COL19A1: variants seen among roughly 807,000 people sequenced by gnomAD.
COL19A1 encodes collagen type XIX alpha 1 chain.
COL19A1 carries 159 observed loss-of-function variants against 190.2 expected under a neutral mutation model. That is an observed-to-expected ratio of 0.84 (90% CI 0.73 to 0.95). COL19A1 has a LOEUF of 0.95. Ranked by LOEUF, COL19A1 falls within the 40% of genes least tolerant of loss-of-function variation. The pLI is 0.00. For synonymous variants in COL19A1, 509 were observed against 458.9 expected, an observed-to-expected ratio of 1.11 and a Z score of -1.39; for missense variants, 1,418 against 1,431.9, an observed-to-expected ratio of 0.99 and a Z score of 0.16.
intron 9 of COL19A1, among the ~76,000 whole-genome samples, chr6:69,949,053 G>A (rs1006474885): frequency 2.0e-5 from 3 of 151,748 alleles, no homozygotes; most frequent in African/African-American, 7.3e-5. Context: ...AAATTGTCCT[G>A]GCAAATACTC....
chr6:70,001,561 G>A (rs1777266064), intron 11 of COL19A1, among the ~76,000 whole-genome samples: 1 of 152,104 alleles, frequency 6.6e-6, no homozygotes, highest in Admixed American at 6.6e-5. Flanking sequence ...GTGGTTTGTA[G>A]TTCTCCTTGA....
In COL19A1 at chr6:70,130,235, T is replaced by A; in HGVS notation, c.1383+12T>A. 4.3e-6 allele frequency: 7 copies of A among 1,609,420 alleles called. No homozygotes were observed. The highest frequency in any genetic ancestry group is 5.9e-6 in the Non-Finnish European group (7 of 1,177,106). ...TGAAAGGAGACAAGGTAATCAGATT[T>A]TTTTTTTTTAGATGGAGTCTTGCTC... On this transcript the variant is annotated intron_variant, in intron 18 of 50. Transcript: ENST00000620364.
At chr6:70,043,536 C>G (rs1485617225) in intron 14 of COL19A1, among the ~76,000 whole-genome samples, 1 of 152,184 alleles carries the variant, frequency 6.6e-6, no homozygotes, top group Admixed American at 6.5e-5. Flanking sequence ...GTCAAAATTA[C>G]TCCTTCACCC....
intron 18 of COL19A1, among the ~76,000 whole-genome samples, chr6:70,136,446 A>G (rs931322982): frequency 2.0e-5 from 3 of 152,168 alleles, no homozygotes; most frequent in Non-Finnish European, 4.4e-5. Flanking sequence ...AATGCTACTC[A>G]TCTGTTATAA....
chr6:70,069,794 T>C (rs2150152070), intron 15 of COL19A1, among the ~76,000 whole-genome samples: 2 of 152,298 alleles, frequency 1.3e-5, no homozygotes, highest in South Asian at 4.1e-4. Flanking sequence ...TAGGAACTGA[T>C]CCTTGTTGTT....
chr6:70,115,822 TTTG>T lies in COL19A1; in HGVS notation c.1279-6055_1279-6053del, dbSNP rs755299191. On this transcript the variant is annotated intron_variant, in intron 16 of 50. Coordinates refer to ENST00000620364, the MANE Select transcript of COL19A1 (RefSeq NM_001858.6). ...TTTTTTTTGTTTTGTTTTTTGGTGT[TTTG>T]TTTTTTTTTTTTTTTTTGGTGGGGA... Among the ~76,000 whole-genome samples the T allele has an allele frequency of 2.0e-4, 20 of 98,924 alleles. No individual in the cohort carries two copies. In the East Asian group the frequency reaches 4.1e-3, roughly 20 times the overall value. 64.9% of individuals were successfully genotyped at this position (98,924 alleles called of 152,430 possible). A position where few individuals can be genotyped will look rare whatever the true frequency, so the allele number is the denominator to read the frequency against.
chr6:69,990,653 C>T (rs552201271), intron 11 of COL19A1, among the ~76,000 whole-genome samples: 2 of 151,984 alleles, frequency 1.3e-5, no homozygotes, highest in South Asian at 4.2e-4. Flanking sequence ...TAATATGTTC[C>T]TCTCTCCTCT....
intron 1 of COL19A1, among the ~76,000 whole-genome samples, chr6:69,866,855 C>T (rs533570557): frequency 6.6e-6 from 1 of 152,248 alleles, no homozygotes; most frequent in Admixed American, 6.5e-5. Flanking sequence ...AAACGTTTGG[C>T]AGGAGACGGC....
chr6:70,123,199 A>G (rs1177323670), intron 17 of COL19A1, among the ~76,000 whole-genome samples: 2 of 152,194 alleles, frequency 1.3e-5, no homozygotes, highest in Admixed American at 1.3e-4. Context: ...CAAAAAACAT[A>G]TGAAAAAATG....
At chr6:69,930,679 G>A (rs946551168) in intron 6 of COL19A1, among the ~76,000 whole-genome samples, 4 of 152,188 alleles carry the variant, frequency 2.6e-5, no homozygotes, top group South Asian at 2.1e-4. Flanking sequence ...TTAGCCAGAT[G>A]TGGTGGCACA....
At chr6:69,982,569 T>C (rs1776095343) in intron 11 of COL19A1, among the ~76,000 whole-genome samples, 1 of 151,598 alleles carries the variant, frequency 6.6e-6, no homozygotes, top group South Asian at 2.1e-4. Flanking sequence ...ATTGCCAAAA[T>C]ATTATAGCTG....
At chr6:70,120,900 A>G (rs1784848845) in intron 16 of COL19A1, among the ~76,000 whole-genome samples, 1 of 152,206 alleles carries the variant, frequency 6.6e-6, no homozygotes, top group Non-Finnish European at 1.5e-5. Context: ...GAGTGCAGCT[A>G]ACGATTGCTT....
At chr6:70,068,613 G>C (rs1165585937) in intron 15 of COL19A1, 137 bp downstream of exon 15, 1 of 547,334 alleles carries the variant, frequency 1.8e-6, no homozygotes, top group Non-Finnish European at 3.3e-6. Flanking sequence ...GCTGAAATTT[G>C]AGATTCGAGA....
chr6:70,060,180 G>T (rs539016400), intron 14 of COL19A1, among the ~76,000 whole-genome samples: 25 of 152,272 alleles, frequency 1.6e-4, no homozygotes, highest in African/African-American at 5.1e-4. Flanking sequence ...AAGATTGAAA[G>T]TTCTCCAATG....
chr6:70,161,869 C>A, intron 34 of COL19A1, 31 bp from the exon 35 acceptor site: 1 of 1,586,090 alleles, frequency 6.3e-7, no homozygotes, highest in Non-Finnish European at 8.6e-7. Context: ...AATGATATAA[C>A]AGATTTTATG....
chr6:70,079,899 G>A (rs979132326), intron 15 of COL19A1, among the ~76,000 whole-genome samples: 2 of 151,922 alleles, frequency 1.3e-5, no homozygotes, highest in African/African-American at 4.8e-5. Flanking sequence ...ACTCAACTAC[G>A]ATTACAAACT....
chr6:70,199,833 CTTTA>C, intron 49 of COL19A1, 97 bp downstream of exon 49: 4 of 1,157,666 alleles, frequency 3.5e-6, no homozygotes, highest in East Asian at 2.6e-5. Context: ...TATGTATGTC[CTTTA>C]TTTATACATT....
chr6:70,095,057 T>C (rs1051186744), intron 15 of COL19A1, among the ~76,000 whole-genome samples: 10 of 152,208 alleles, frequency 6.6e-5, no homozygotes, highest in African/African-American at 1.9e-4. Context: ...CCTCTCATGC[T>C]TTCTTTCAGT....
intron 34 of COL19A1, among the ~76,000 whole-genome samples, chr6:70,160,526 A>G (rs2150257998): frequency 6.6e-6 from 1 of 152,240 alleles, no homozygotes; most frequent in South Asian, 2.1e-4. Flanking sequence ...TTTGTTTCCC[A>G]AGCAAATTCA....
Sources: allele counts gnomAD v4.1 joint callset (sites outside exome capture counted in the v4.1 genomes callset), GRCh38; gene constraint gnomAD v4.1.1; transcripts MANE v1.5; gene names NCBI Gene and HGNC (gene_info 2026-07-23, HGNC 2026-07-21).